DST: variants seen among roughly 807,000 people sequenced by gnomAD.
DST encodes dystonin.
A neutral mutation model predicts 875.2 loss-of-function variants in DST; 253 were observed. That is an observed-to-expected ratio of 0.29 (90% CI 0.26 to 0.32). The LOEUF is 0.32. Ranked by LOEUF, DST falls within the 10% of genes least tolerant of loss-of-function variation. The pLI, the probability that DST is intolerant of heterozygous loss-of-function variation, is 1.00. For synonymous variants in DST, 3,124 were observed against 3,197.1 expected (o/e 0.98, Z 0.77); for missense variants, 8,287 against 9,111.6 (o/e 0.91, Z 3.68).
intron 4 of DST, among the ~76,000 whole-genome samples, chr6:56,757,473 ATGTGAGCTGTGGACTCACAGC>A (rs376037900): frequency 4.9e-4 from 75 of 152,288 alleles, no homozygotes; most frequent in Middle Eastern, 3.4e-3. Context: ...AAGGAATATG[ATGTGAGCTGTGGACTCACAGC>A]TGTGAGCTGT....
chr6:56,517,122 GTTT>G, intron 71 of DST, 73 bp downstream of exon 71: 1 of 1,053,316 alleles, frequency 9.5e-7, no homozygotes, highest in Admixed American at 1.9e-5. Context: ...ACGGAGAAGT[GTTT>G]TTCTAGGACT....
intron 2 of DST, among the ~76,000 whole-genome samples, chr6:56,920,401 T>TCA (rs1271308683): frequency 2.6e-5 from 4 of 152,084 alleles, no homozygotes; most frequent in African/African-American, 4.8e-5. Flanking sequence ...AGCCATAGAG[T>TCA]CACACACATC....
intron 49 of DST, among the ~76,000 whole-genome samples, chr6:56,584,989 G>A (rs1353821513): frequency 9.4e-5 from 14 of 149,570 alleles, no homozygotes; most frequent in South Asian, 2.1e-4. Context: ...TGCTGGATTC[G>A]GTTTGCCAGT....
chr6:56,654,065 T>A (rs376433478), intron 10 of DST, among the ~76,000 whole-genome samples: 1 of 152,230 alleles, frequency 6.6e-6, no homozygotes, highest in African/African-American at 2.4e-5. Flanking sequence ...CATGTTCTCA[T>A]GTTATATTTT....
intron 10 of DST, among the ~76,000 whole-genome samples, chr6:56,657,611 T>A (rs1371507075): frequency 6.6e-6 from 1 of 152,106 alleles, no homozygotes; most frequent in African/African-American, 2.4e-5. Flanking sequence ...GTTTCACGGG[T>A]ACACAGCTTC....
intron 86 of DST, among the ~76,000 whole-genome samples, chr6:56,488,104 T>C (rs2095622050): frequency 1.3e-5 from 2 of 152,176 alleles, no homozygotes; most frequent in African/African-American, 2.4e-5. Context: ...GACAACACAA[T>C]TACAATCACA....
intron 3 of DST, among the ~76,000 whole-genome samples, chr6:56,868,994 T>C (rs756109109): frequency 2.1e-4 from 32 of 152,182 alleles, no homozygotes; most frequent in Admixed American, 6.5e-4. Context: ...CAGCCCTACA[T>C]AGAAATGAAA....
At chr6:56,623,569 T>C (rs2098708705) in intron 36 of DST, among the ~76,000 whole-genome samples, 1 of 152,170 alleles carries the variant, frequency 6.6e-6, no homozygotes, top group Non-Finnish European at 1.5e-5. Flanking sequence ...GTGGTCACAT[T>C]TTTAGGAAAC....
chr6:56,506,024 T>C (rs1273419161), intron 77 of DST, among the ~76,000 whole-genome samples: 1 of 152,188 alleles, frequency 6.6e-6, no homozygotes, highest in East Asian at 1.9e-4. Flanking sequence ...CTTCTGACTT[T>C]AGTTAAACTT....
intron 86 of DST, among the ~76,000 whole-genome samples, chr6:56,488,983 T>C (rs1476683222): frequency 6.6e-6 from 1 of 152,156 alleles, no homozygotes; most frequent in Non-Finnish European, 1.5e-5. Flanking sequence ...ACCTTTGAGG[T>C]TGGGTGGAAT....
intron 80 of DST, among the ~76,000 whole-genome samples, chr6:56,500,677 A>G (rs1308782857): frequency 6.6e-6 from 1 of 152,130 alleles, no homozygotes; most frequent in Non-Finnish European, 1.5e-5. Flanking sequence ...GAGTGAAAAT[A>G]TACATAAAAC....
At chr6:56,707,053 A>G (rs1017908202) in intron 5 of DST, among the ~76,000 whole-genome samples, 1 of 152,154 alleles carries the variant, frequency 6.6e-6, no homozygotes, top group Non-Finnish European at 1.5e-5. Flanking sequence ...ATGAGAATCT[A>G]ACGCCATCAC....
At chr6:56,688,063 A>C (rs1473736691) in intron 9 of DST, among the ~76,000 whole-genome samples, 15 of 152,208 alleles carry the variant, frequency 9.9e-5, no homozygotes, top group Admixed American at 9.2e-4. Context: ...ATTTAACTTA[A>C]AAGGCAGAGA....
intron 86 of DST, 40 bp from the exon 87 acceptor site, chr6:56,487,313 G>A: frequency 6.6e-7 from 1 of 1,505,254 alleles, no homozygotes; most frequent in Non-Finnish European, 8.9e-7. Context: ...TTTCTTCTTG[G>A]GACTAATAAA....
rs1337252221 is a variant in DST at position 56,640,450 on chromosome 6, C to T, written c.2183G>A (p.Ser728Asn). 1 of 1,614,184 alleles carries T rather than the reference C, an allele frequency of 6.2e-7. No homozygotes were observed. The highest frequency in any genetic ancestry group is 1.7e-5 in the Admixed American group (1 of 60,026). The change falls in exon 18 of 104, where the codon AGT (serine) becomes AAT (asparagine). Residue 728 changes from serine (S) to asparagine (N), a missense_variant. Ser to Asn is a conservative substitution (Grantham distance 46). Coordinates refer to ENST00000680361, the MANE Select transcript of DST (RefSeq NM_001374736.1). ...ACTCTGGGTCAGCCCTGAGGTCAGACTAGGGTGTAAGGTCTGTGCAAATCC... is the reference window on the plus strand; with the variant it reads ...ACTCTGGGTCAGCCCTGAGGTCAGATTAGGGTGTAAGGTCTGTGCAAATCC... ...NSGFAQTLHP[S>N]LTSGLTQSLT...
chr6:56,603,210 C>G lies in DST; in HGVS notation c.11152G>C (p.Glu3718Gln), dbSNP rs770848545. The part of the protein sequence containing the change: ...TKQIMLAIDS[E>Q]MSKLAVSHEE... ...TTTTGACATTTTATGCCTACCATTT[C>G]AGAGTCGATCGCAAGCATGATCTGT... The change falls in exon 42 of 104, where the codon GAA becomes CAA. Residue 3718 changes from glutamate (E) to glutamine (Q), a missense_variant. Glu to Gln is a conservative substitution (Grantham distance 29). Transcript: ENST00000680361. 2 of 1,597,722 alleles carry G rather than the reference C, an allele frequency of 1.3e-6. No homozygotes were observed. The highest frequency in any genetic ancestry group is 1.7e-6 in the Non-Finnish European group (2 of 1,171,820).
rs189706262 is a variant in DST, at chr6:56,881,067, T to G, written c.417+19354A>C. On this transcript the variant is annotated intron_variant, in intron 3 of 103. Transcript: ENST00000680361. Reference sequence around the variant, plus strand: ...GGTTTCACCGTGTTAGCCAGGATGGTCTCGATCTCCTGACCTCATGATCCA... The same window carrying G: ...GGTTTCACCGTGTTAGCCAGGATGGGCTCGATCTCCTGACCTCATGATCCA... Among the ~76,000 whole-genome samples, 696 of 151,846 alleles carry G rather than the reference T, an allele frequency of 4.6e-3. 5 individuals are homozygous for G. Among genetic ancestry groups the G allele is most frequent in the African/African-American group, 0.016 (675 of 41,478 alleles).
chr6:56,510,210 TATC>T (rs2096444587), intron 73 of DST, among the ~76,000 whole-genome samples: 2 of 152,310 alleles, frequency 1.3e-5, no homozygotes, highest in South Asian at 4.1e-4. Flanking sequence ...TTCATCCTGT[TATC>T]ATAATTCAAA....
intron 4 of DST, among the ~76,000 whole-genome samples, chr6:56,761,008 T>A (rs1053179345): frequency 4.6e-5 from 7 of 151,986 alleles, no homozygotes; most frequent in African/African-American, 1.7e-4. Context: ...CTAAAGTAAC[T>A]GTGTTAGAGT....
Sources: allele counts gnomAD v4.1 joint callset (sites outside exome capture counted in the v4.1 genomes callset), GRCh38; gene constraint gnomAD v4.1.1; transcripts MANE v1.5; gene names NCBI Gene and HGNC (gene_info 2026-07-23, HGNC 2026-07-21).